Variants in LSAMP observed in about 807,000 individuals in gnomAD.
LSAMP encodes limbic system-associated membrane protein.
Under a neutral mutation model 38.6 loss-of-function variants are expected in LSAMP, and 7 were observed. That is an observed-to-expected ratio of 0.18 (90% CI 0.10 to 0.34). The LOEUF is 0.34. LSAMP is among the 10% of genes least tolerant of loss of function. LSAMP has a pLI of 1.00. For synonymous variants in LSAMP, 154 were observed against 166.8 expected, an observed-to-expected ratio of 0.92 and a Z score of 0.59; for missense variants, 313 against 420.0, an observed-to-expected ratio of 0.75 and a Z score of 2.23.
At chr3:116,329,890 A>C (rs949428138) in intron 1 of LSAMP, among the ~76,000 whole-genome samples, 6 of 152,174 alleles carry the variant, frequency 3.9e-5, no homozygotes, top group Non-Finnish European at 5.9e-5. Context: ...GGTTTAAAAA[A>C]AATACTGATA....
chr3:116,309,912 G>A (rs1428600569), intron 1 of LSAMP, among the ~76,000 whole-genome samples: 1 of 152,068 alleles, frequency 6.6e-6, no homozygotes, highest in Non-Finnish European at 1.5e-5. Flanking sequence ...TGCTGCCCTT[G>A]TTTTTGTGAC....
At position 116,188,358 on chromosome 3, in the gene LSAMP, G is replaced by GA. The variant is rs1710673828; in HGVS notation, c.156-101803dup. 2.0e-5 allele frequency among the ~76,000 whole-genome samples: 3 copies of GA among 152,256 alleles called. No individual in the cohort carries two copies. In the East Asian group the frequency reaches 5.8e-4, roughly 29 times the overall value. ...GCTCTATTGATTAAAGGTCTAATTT[G>GA]ATACCCTACAACATATTTATGAATG... On this transcript the variant is annotated intron_variant, in intron 1 of 6. Transcript: ENST00000490035.
intron 1 of LSAMP, among the ~76,000 whole-genome samples, chr3:116,276,574 A>G (rs958784662): frequency 6.6e-5 from 10 of 151,998 alleles, no homozygotes; most frequent in African/African-American, 2.4e-4. Context: ...AGGGTGCAGC[A>G]TATACTGCTG....
intron 6 of LSAMP, among the ~76,000 whole-genome samples, chr3:115,813,497 G>C (rs550157918): frequency 1.3e-5 from 2 of 152,228 alleles, no homozygotes; most frequent in East Asian, 3.9e-4. Flanking sequence ...GTCATTAAGT[G>C]ATGTATAAGT....
chr3:116,187,297 T>C (rs1366529968), intron 1 of LSAMP, among the ~76,000 whole-genome samples: 15 of 152,120 alleles, frequency 9.9e-5, no homozygotes, highest in Non-Finnish European at 1.5e-5. Flanking sequence ...CCAATATCCA[T>C]GTGGGTATCT....
intron 4 of LSAMP, among the ~76,000 whole-genome samples, chr3:115,847,451 A>T (rs1298737909): frequency 6.6e-6 from 1 of 152,226 alleles, no homozygotes; most frequent in Non-Finnish European, 1.5e-5. Context: ...AATACTTCTC[A>T]CTGGGGCAGA....
chr3:115,911,647 G>C (rs746835917), intron 3 of LSAMP, among the ~76,000 whole-genome samples: 2 of 152,132 alleles, frequency 1.3e-5, no homozygotes, highest in Admixed American at 6.6e-5. Context: ...CCTGGCCTAC[G>C]TATGGGTTTT....
At chr3:115,888,596 AT>A (rs1211412878) in intron 3 of LSAMP, among the ~76,000 whole-genome samples, 2 of 151,956 alleles carry the variant, frequency 1.3e-5, no homozygotes, top group African/African-American at 4.8e-5. Context: ...ACTGATCCGA[AT>A]CCACTCCAAT....
intron 1 of LSAMP, among the ~76,000 whole-genome samples, chr3:116,442,673 T>C (rs1383745577): frequency 6.6e-6 from 1 of 152,174 alleles, no homozygotes; most frequent in Non-Finnish European, 1.5e-5. Context: ...AAAGAGGGCA[T>C]GTAAGGTGAG....
intron 3 of LSAMP, among the ~76,000 whole-genome samples, chr3:115,923,909 G>A (rs917876292): frequency 3.9e-5 from 6 of 151,992 alleles, no homozygotes; most frequent in African/African-American, 1.4e-4. Flanking sequence ...TTATCATTAT[G>A]TGTCTCCAAA....
intron 4 of LSAMP, among the ~76,000 whole-genome samples, chr3:115,850,156 C>A (rs1468646134): frequency 2.0e-5 from 3 of 152,152 alleles, no homozygotes; most frequent in Non-Finnish European, 4.4e-5. Context: ...AAAGTCTTTT[C>A]TTGAAAATTA....
At chr3:116,026,800 T>C (rs1940802065) in intron 2 of LSAMP, among the ~76,000 whole-genome samples, 1 of 152,194 alleles carries the variant, frequency 6.6e-6, no homozygotes, top group Non-Finnish European at 1.5e-5. Context: ...ACATACTTTT[T>C]CATCCCTGGG....
At chr3:116,075,545 G>GTTT (rs35574635) in intron 2 of LSAMP, among the ~76,000 whole-genome samples, 2 of 131,230 alleles carry the variant, frequency 1.5e-5, no homozygotes, top group African/African-American at 2.8e-5. Context: ...TCACTTTATC[G>GTTT]TTTTTTTTTT....
At chr3:116,084,473 CA>C (rs1553702371) in intron 2 of LSAMP, among the ~76,000 whole-genome samples, 1 of 140,748 alleles carries the variant, frequency 7.1e-6, no homozygotes, top group Admixed American at 7.0e-5. Flanking sequence ...AAAAAAAAAC[CA>C]AAAAAAACCA....
intron 3 of LSAMP, among the ~76,000 whole-genome samples, chr3:115,995,831 C>G (rs1007421232): frequency 4.0e-5 from 6 of 151,866 alleles, no homozygotes; most frequent in Non-Finnish European, 7.4e-5. Flanking sequence ...TTATTTGGAG[C>G]TGGTGAGGAA....
chr3:116,163,925 G>A (rs867228967), intron 1 of LSAMP, among the ~76,000 whole-genome samples: 18 of 152,012 alleles, frequency 1.2e-4, no homozygotes, highest in African/African-American at 3.4e-4. Context: ...TTTTCAAAAT[G>A]CTTTTGCATT....
At position 116,014,460 on chromosome 3, in the gene LSAMP, C is replaced by A. The variant is rs76698114; in HGVS notation, c.514+5055G>T. ...CATAAGATTGTTCTTTATCTATTTTCTCCTCTTTTAAAATAAAAAATAAAA... is the reference window on the plus strand; with the variant it reads ...CATAAGATTGTTCTTTATCTATTTTATCCTCTTTTAAAATAAAAAATAAAA... On this transcript the variant is annotated intron_variant, in intron 3 of 6. Transcript: ENST00000490035. 4.0e-4 allele frequency among the ~76,000 whole-genome samples: 61 copies of A among 152,048 alleles called. 1 individual carries two copies. The East Asian group carries it at 0.011, about 27-fold the overall frequency.
At chr3:115,942,465 C>T (rs1576240640) in intron 3 of LSAMP, among the ~76,000 whole-genome samples, 1 of 152,128 alleles carries the variant, frequency 6.6e-6, no homozygotes, top group East Asian at 1.9e-4. Context: ...TTATCTCACA[C>T]TGTTACAGAA....
At chr3:115,865,477 A>C (rs1420216081) in intron 3 of LSAMP, among the ~76,000 whole-genome samples, 3 of 152,174 alleles carry the variant, frequency 2.0e-5, no homozygotes, top group African/African-American at 7.2e-5. Flanking sequence ...ATGTGAATCT[A>C]TTTATTTTCC....
Sources: gnomAD v4.1 joint callset for allele counts (sites outside exome capture counted in the v4.1 genomes callset) on GRCh38, gnomAD v4.1.1 for gene constraint, MANE v1.5 for transcripts, NCBI Gene and HGNC (gene_info 2026-07-23, HGNC 2026-07-21) for gene names.